CRAMP1: variants seen among roughly 807,000 people sequenced by gnomAD.
CRAMP1 encodes cramped chromatin regulator 1.
In CRAMP1, 50 loss-of-function variants were observed where a neutral mutation model predicts 115.4. The observed-to-expected ratio is 0.43, with a 90% CI of 0.35 to 0.55. CRAMP1 has a LOEUF of 0.55. Among genes scored for constraint, CRAMP1 ranks in the 20% least tolerant of loss-of-function variants. The pLI is 0.01. For synonymous variants in CRAMP1, 866 were observed against 745.4 expected (o/e 1.16, Z -2.64); for missense variants, 1,679 against 1,721.7 (o/e 0.98, Z 0.44).
At chr16:1,636,793 G>A (rs559292693) in intron 4 of CRAMP1, among the ~76,000 whole-genome samples, 1 of 152,356 alleles carries the variant, frequency 6.6e-6, no homozygotes, top group Admixed American at 6.5e-5. Context: ...CCCAGGGCAG[G>A]CAGGACCCAG....
chr16:1,627,149 CT>C lies in CRAMP1; in HGVS notation c.540+996del, dbSNP rs879787589. On this transcript the variant is annotated intron_variant, in intron 3 of 20. Coordinates refer to ENST00000397412, the MANE Select transcript of CRAMP1 (RefSeq NM_020825.4). ...AGGTTCGTGATCGGTGAGCCTTGTT[CT>C]TTTTTTTTTTTTGGAGATGGAATCT... Among the ~76,000 whole-genome samples the C allele has an allele frequency of 9.9e-3, 1,427 of 144,408 alleles. 22 individuals carry two copies. Among genetic ancestry groups the C allele is most frequent in the African/African-American group, 0.028 (1,095 of 39,720 alleles). The allele number at this position is 144,408 out of a possible 152,430, so 94.7% of individuals were successfully genotyped here.
At chr16:1,657,202 G>T (rs2036783907) in intron 10 of CRAMP1, among the ~76,000 whole-genome samples, 1 of 152,262 alleles carries the variant, frequency 6.6e-6, no homozygotes, top group African/African-American at 2.4e-5. Flanking sequence ...GCTCTCCACA[G>T]ACTACTTTCC....
intron 10 of CRAMP1, among the ~76,000 whole-genome samples, chr16:1,658,828 G>T (rs1202771424): frequency 6.6e-6 from 1 of 152,210 alleles, no homozygotes; most frequent in African/African-American, 2.4e-5. Flanking sequence ...TGTGCTGAGA[G>T]CACGGGGTGG....
At chr16:1,652,303 G>A (rs1567456633) in intron 6 of CRAMP1, among the ~76,000 whole-genome samples, 193 bp from the exon 7 acceptor site, 1 of 152,240 alleles carries the variant, frequency 6.6e-6, no homozygotes, top group African/African-American at 2.4e-5. Context: ...GGTCAGGAAA[G>A]TAGCAGGATG....
intron 6 of CRAMP1, among the ~76,000 whole-genome samples, chr16:1,642,944 G>A (rs898353781): frequency 3.9e-5 from 6 of 152,218 alleles, no homozygotes; most frequent in African/African-American, 1.2e-4. Context: ...AGCGCCATCC[G>A]CGGGAGAACT....
At chr16:1,650,364 G>A (rs906957935) in intron 6 of CRAMP1, among the ~76,000 whole-genome samples, 7 of 152,134 alleles carry the variant, frequency 4.6e-5, no homozygotes, top group African/African-American at 1.7e-4. Context: ...TCCCTCCCAC[G>A]CAGCACTCGC....
chr16:1,614,581 C>G lies in CRAMP1; in HGVS notation c.-1-58C>G, dbSNP rs998695726. The G allele has an allele frequency of 1.5e-5, 16 of 1,085,218 alleles. No individual in the cohort carries two copies. The highest frequency in any genetic ancestry group is 1.9e-5 in the Non-Finnish European group (16 of 858,346). The allele number at this position is 1,085,218 out of a possible 1,614,324, so 67.2% of individuals were successfully genotyped here. A position where few individuals can be genotyped will look rare whatever the true frequency, so the allele number is the denominator to read the frequency against. ...GGCCATGTTGAGAGCGCGTCGGGGC[C>G]GCTAAACTTCCCGGCCTGCGCCCGC... On this transcript the variant is annotated intron_variant, in intron 1 of 20. Transcript: ENST00000397412. The surrounding 1 kb of genome is among the most constrained non-coding windows in gnomAD (Gnocchi z 4.4).
chr16:1,666,013 C>A lies in CRAMP1; in HGVS notation c.2753-60C>A. On this transcript the variant is annotated intron_variant, in intron 14 of 20. Transcript: ENST00000397412. This position sits in a 1 kb window ranked among gnomAD's most constrained non-coding sequence, Gnocchi z 5.0. ...TAAAGGAAGCCCCCTGCGGCCACAT[C>A]CTGCTGTGAGGGCATGGCGGGCGGG... The A allele has an allele frequency of 1.7e-6, 2 of 1,182,636 alleles. No individual in the cohort carries two copies. Among genetic ancestry groups the A allele is most frequent in the Non-Finnish European group, 2.5e-6 (2 of 810,962 alleles). 73.3% of individuals were successfully genotyped at this position (1,182,636 alleles called of 1,614,324 possible).
At position 1,619,623 on chromosome 16, in the gene CRAMP1, A is replaced by T. The variant is rs536470796; in HGVS notation, c.346+4638A>T. Among the ~76,000 whole-genome samples, 8 of 152,356 alleles carry T rather than the reference A, an allele frequency of 5.3e-5. No homozygotes were observed. The East Asian group carries it at 1.5e-3, about 29-fold the overall frequency. ...TCTGCTGGTATTTCATGAAGAGGGC[A>T]TACGCTTTTATACAAACAGTGGAGT... On this transcript the variant is annotated intron_variant, in intron 2 of 20. Coordinates refer to ENST00000397412, the MANE Select transcript of CRAMP1 (RefSeq NM_020825.4).
At chr16:1,659,788 T>C (rs898764175) in intron 10 of CRAMP1, 98 bp from the exon 11 acceptor site, 4 of 1,180,378 alleles carry the variant, frequency 3.4e-6, no homozygotes, top group African/African-American at 1.5e-5. Context: ...CTGTGCTTTC[T>C]GAGCTCGATG....
chr16:1,616,100 A>G (rs2036416828), intron 2 of CRAMP1, among the ~76,000 whole-genome samples: 1 of 152,238 alleles, frequency 6.6e-6, no homozygotes, highest in Non-Finnish European at 1.5e-5. Context: ...TACTTATTTA[A>G]AGATGTAAAT....
chr16:1,644,366 A>G (rs2036656781), intron 6 of CRAMP1, among the ~76,000 whole-genome samples: 1 of 152,212 alleles, frequency 6.6e-6, no homozygotes, highest in South Asian at 2.1e-4. Flanking sequence ...TTGGTTCTGG[A>G]AATGTCTGGG....
Position 1,614,469 on chromosome 16 carries a change from T to G in CRAMP1, c.-1-170T>G, listed in dbSNP as rs1326384350. On this transcript the variant is annotated intron_variant, in intron 1 of 20. Transcript: ENST00000397412. The surrounding 1 kb of genome is among the most constrained non-coding windows in gnomAD (Gnocchi z 4.4). ...GTGGGCAGGGCCGGGGGCGGCGGCG[T>G]GGGGGCGGCAGGGGCCGCGGCGGGC... 2.0e-4 allele frequency among the ~76,000 whole-genome samples: 15 copies of G among 74,478 alleles called. No individual in the cohort carries two copies. Among genetic ancestry groups the G allele is most frequent in the South Asian group, 5.2e-4 (1 of 1,928 alleles). 48.9% of individuals were successfully genotyped at this position (74,478 alleles called of 152,430 possible).
In CRAMP1 at chr16:1,657,921, C is replaced by T. The variant is rs377280955; in HGVS notation, c.2235+929C>T. Reference sequence around the variant, plus strand: ...CTGCAGGTCACTGTGGACCCCTTAGCGCTGTTTCATGGTCAGAATGTGTGT... The same window carrying T: ...CTGCAGGTCACTGTGGACCCCTTAGTGCTGTTTCATGGTCAGAATGTGTGT... On this transcript the variant is annotated intron_variant, in intron 10 of 20. Transcript: ENST00000397412. Among the ~76,000 whole-genome samples the T allele has an allele frequency of 2.0e-3, 307 of 152,260 alleles. 1 individual carries two copies. The highest frequency in any genetic ancestry group is 7.1e-3 in the African/African-American group (293 of 41,554).
At chr16:1,622,726 G>A (rs2036475319) in intron 2 of CRAMP1, among the ~76,000 whole-genome samples, 1 of 151,386 alleles carries the variant, frequency 6.6e-6, no homozygotes, top group African/African-American at 2.4e-5. Flanking sequence ...GGGACTGCAG[G>A]TGTGTGCCAC....
intron 2 of CRAMP1, among the ~76,000 whole-genome samples, chr16:1,616,073 G>T (rs1415190655): frequency 4.6e-5 from 7 of 152,214 alleles, no homozygotes; most frequent in African/African-American, 1.7e-4. Context: ...CATTGGTAAA[G>T]AATTCTGATA....
chr16:1,652,993 T>C (rs896249502), intron 7 of CRAMP1, 40 bp from the exon 8 acceptor site: 1 of 1,612,360 alleles, frequency 6.2e-7, no homozygotes, highest in Admixed American at 1.7e-5. Flanking sequence ...TACCTTAAGG[T>C]TGGGCTGCAC....
chr16:1,632,400 ACAGGCAGGGCCGGCTTCTGCTCAGAGCG>A (rs1483850744), intron 4 of CRAMP1, 35 bp downstream of exon 4: 1 of 1,555,886 alleles, frequency 6.4e-7, no homozygotes, highest in Non-Finnish European at 8.7e-7. Context: ...GGGGGTGCCC[ACAGGCAGGGCCGGCTTCTGCTCAGAGCG>A]CAGCTTCCAG....
intron 19 of CRAMP1, among the ~76,000 whole-genome samples, chr16:1,670,002 T>C (rs1485501664): frequency 1.3e-5 from 2 of 152,178 alleles, no homozygotes; most frequent in Non-Finnish European, 2.9e-5. Context: ...TGGTGGCTCA[T>C]GTCTGTAATC....
Sources: allele counts gnomAD v4.1 joint callset (sites outside exome capture counted in the v4.1 genomes callset), GRCh38; gene constraint gnomAD v4.1.1; non-coding constraint Gnocchi (gnomAD v3.1); transcripts MANE v1.5; gene names NCBI Gene and HGNC (gene_info 2026-07-23, HGNC 2026-07-21).